The following NRXN3 variants were observed in gnomAD, a reference collection of about 807,000 sequenced individuals.
NRXN3 encodes the protein neurexin III.
A neutral mutation model predicts 137.6 loss-of-function variants in NRXN3; 32 were observed. That is an observed-to-expected ratio of 0.23 (90% confidence interval 0.18 to 0.31). NRXN3 has a LOEUF of 0.31. NRXN3 is among the 10% of genes least tolerant of loss of function. The probability of loss-of-function intolerance (pLI) is 1.00; values close to 1 mark genes in which losing one functional copy is unlikely to be tolerated. For synonymous variants in NRXN3, 798 were observed against 784.5 expected (o/e 1.02, Z -0.29); for missense variants, 1,574 against 2,062.5 (o/e 0.76, Z 4.59).
Position 79,224,135 on chromosome 14 carries a change from C to T in NRXN3, c.3262+235994C>T, listed in dbSNP as rs116661503. Among the ~76,000 whole-genome samples the T allele has an allele frequency of 1.1e-3, 169 of 152,176 alleles. 1 individual carries two copies. Among genetic ancestry groups the T allele is most frequent in the African/African-American group, 3.8e-3 (158 of 41,540 alleles). On this transcript the variant is annotated intron_variant, in intron 15 of 20. Transcript: ENST00000335750. ...CTTTTCAATTCTTGGGAACTGTCTT[C>T]GTTAAACAGTTTTAGATGCAAGGGT... is the stretch of plus-strand genomic sequence containing the variant.
intron 8 of NRXN3, among the ~76,000 whole-genome samples, chr14:78,734,262 ATC>A (rs2098531436): frequency 6.7e-6 from 1 of 149,636 alleles, no homozygotes; most frequent in Non-Finnish European, 1.5e-5. Context: ...CACCCTTTTC[ATC>A]TTACTAATTC....
chr14:79,674,784 C>A (rs2098631706), intron 17 of NRXN3, among the ~76,000 whole-genome samples: 1 of 152,018 alleles, frequency 6.6e-6, no homozygotes, highest in Admixed American at 6.6e-5. Context: ...AATTGCCAGC[C>A]TCAATGTTTA....
intron 11 of NRXN3, among the ~76,000 whole-genome samples, chr14:78,964,630 C>G: frequency 6.6e-6 from 1 of 152,070 alleles, no homozygotes; most frequent in African/African-American, 2.4e-5. Context: ...CAAGAGAGGA[C>G]AGGAAGAAAG....
chr14:79,245,090 GTTTCCTCCTTTGA>G (rs1198897903), intron 15 of NRXN3, among the ~76,000 whole-genome samples: 1 of 152,074 alleles, frequency 6.6e-6, no homozygotes, highest in Middle Eastern at 3.2e-3. Context: ...CTGAGCTTTG[GTTTCCTCCTTTGA>G]AAGGTGAGGT....
intron 3 of NRXN3, among the ~76,000 whole-genome samples, chr14:78,294,582 A>G (rs1023654677): frequency 1.3e-5 from 2 of 151,874 alleles, no homozygotes; most frequent in Admixed American, 1.3e-4. Flanking sequence ...AAAAAAAAGA[A>G]AAAGCTCCTA....
intron 10 of NRXN3, among the ~76,000 whole-genome samples, chr14:78,954,946 G>A (rs905130500): frequency 2.6e-5 from 4 of 152,004 alleles, no homozygotes; most frequent in East Asian, 3.9e-4. Context: ...GAGAAAGCTC[G>A]TTTTATATCT....
intron 4 of NRXN3, among the ~76,000 whole-genome samples, chr14:78,589,835 G>T (rs1221281051): frequency 1.3e-5 from 2 of 152,284 alleles, no homozygotes; most frequent in African/African-American, 2.4e-5. Flanking sequence ...CCAGAGAAAA[G>T]AATCAAATGG....
chr14:78,409,605 A>G (rs1010713354), intron 4 of NRXN3, among the ~76,000 whole-genome samples: 1 of 152,232 alleles, frequency 6.6e-6, no homozygotes, highest in Non-Finnish European at 1.5e-5. Context: ...GGCACCTGAG[A>G]TGAGGAAGGC....
intron 16 of NRXN3, among the ~76,000 whole-genome samples, chr14:79,518,591 T>G (rs548662994): frequency 6.6e-6 from 1 of 152,268 alleles, no homozygotes; most frequent in South Asian, 2.1e-4. Flanking sequence ...AATCTTCTTG[T>G]TAATAGTAAT....
At chr14:78,220,696 A>C (rs1461029119) in intron 1 of NRXN3, among the ~76,000 whole-genome samples, 1 of 152,012 alleles carries the variant, frequency 6.6e-6, no homozygotes, top group East Asian at 1.9e-4. Context: ...AGGTTCAAGA[A>C]AGTGTTGATA....
At chr14:79,208,850 A>C (rs2067198553) in intron 15 of NRXN3, among the ~76,000 whole-genome samples, 1 of 152,218 alleles carries the variant, frequency 6.6e-6, no homozygotes, top group South Asian at 2.1e-4. Flanking sequence ...TAAGAAAAAA[A>C]TTCAGCACAT....
chr14:79,839,776 C>T (rs1363032966), intron 20 of NRXN3, among the ~76,000 whole-genome samples: 2 of 152,172 alleles, frequency 1.3e-5, no homozygotes, highest in African/African-American at 2.4e-5. Context: ...GCAGAAAGCA[C>T]TTGTAATTTA....
chr14:79,171,882 C>G (rs1033970583), intron 15 of NRXN3, among the ~76,000 whole-genome samples: 36 of 151,220 alleles, frequency 2.4e-4, no homozygotes, highest in African/African-American at 8.2e-4. Context: ...TGGAACTAAA[C>G]TTTTACTGTG....
chr14:79,059,489 C>T (rs1188896495), intron 15 of NRXN3, among the ~76,000 whole-genome samples: 2 of 151,970 alleles, frequency 1.3e-5, no homozygotes, highest in African/African-American at 4.8e-5. Context: ...GATCTCCTGA[C>T]CTCGTGATCC....
At chr14:79,085,633 A>G (rs1018959467) in intron 15 of NRXN3, among the ~76,000 whole-genome samples, 3 of 152,318 alleles carry the variant, frequency 2.0e-5, no homozygotes, top group Admixed American at 2.0e-4. Flanking sequence ...GGCTTATGGA[A>G]TGATTTTTTT....
chr14:78,631,900 G>A (rs889658572), intron 4 of NRXN3, among the ~76,000 whole-genome samples: 1 of 151,790 alleles, frequency 6.6e-6, no homozygotes, highest in Non-Finnish European at 1.5e-5. Flanking sequence ...CAGGTCAGGA[G>A]ATCAAGACCA....
chr14:79,393,381 C>T (rs2094916913), intron 15 of NRXN3, among the ~76,000 whole-genome samples: 1 of 152,154 alleles, frequency 6.6e-6, no homozygotes, highest in Non-Finnish European at 1.5e-5. Flanking sequence ...ACTTATATAA[C>T]TGCAGGATAA....
chr14:78,376,013 CACACACAT>C (rs751427776), intron 4 of NRXN3, among the ~76,000 whole-genome samples: 8 of 148,970 alleles, frequency 5.4e-5, no homozygotes, highest in African/African-American at 7.4e-5. Context: ...TACACACACA[CACACACAT>C]ACACACACAC....
chr14:79,052,240 C>T lies in NRXN3; in HGVS notation c.3262+64099C>T, dbSNP rs116438749. Among the ~76,000 whole-genome samples the T allele has an allele frequency of 7.0e-3, 1,058 of 152,194 alleles. 11 individuals carry two copies. Among genetic ancestry groups the T allele is most frequent in the African/African-American group, 0.024 (995 of 41,520 alleles). On this transcript the variant is annotated intron_variant, in intron 15 of 20. Coordinates refer to ENST00000335750, the MANE Select transcript of NRXN3 (RefSeq NM_001330195.2). Reference sequence around the variant, plus strand: ...ATCCAAAACTAATTCTGTACATTTACGGGATCATCAGAATCATGAAAAATG... The same window carrying T: ...ATCCAAAACTAATTCTGTACATTTATGGGATCATCAGAATCATGAAAAATG...
Sources: gnomAD v4.1 joint callset for allele counts (sites outside exome capture counted in the v4.1 genomes callset) on GRCh38, gnomAD v4.1.1 for gene constraint, MANE v1.5 for transcripts, NCBI Gene and HGNC (gene_info 2026-07-23, HGNC 2026-07-21) for gene names.